PAPSS1: variants seen among roughly 807,000 people sequenced by gnomAD.
PAPSS1 encodes bifunctional 3'-phosphoadenosine 5'-phosphosulfate synthase 1.
A neutral mutation model predicts 72.0 loss-of-function variants in PAPSS1; 50 were observed. The ratio of observed to expected loss-of-function variants is 0.69; its 90% CI spans 0.55 to 0.88. PAPSS1 has a LOEUF of 0.88. PAPSS1 is among the 40% of genes least tolerant of loss of function. The pLI, the probability that PAPSS1 is intolerant of heterozygous loss-of-function variation, is 0.00. For synonymous variants in PAPSS1, 261 were observed against 263.6 expected (o/e 0.99, Z 0.09); for missense variants, 657 against 782.2 (o/e 0.84, Z 1.91).
At chr4:107,664,306 G>T (rs1409252261) in intron 5 of PAPSS1, among the ~76,000 whole-genome samples, 1 of 152,136 alleles carries the variant, frequency 6.6e-6, no homozygotes, top group African/African-American at 2.4e-5. Context: ...TCTCCCCCAG[G>T]TTTACTGCTG....
intron 1 of PAPSS1, among the ~76,000 whole-genome samples, chr4:107,712,948 T>A (rs1453669043): frequency 1.3e-5 from 2 of 150,056 alleles, no homozygotes; most frequent in Admixed American, 1.3e-4. Context: ...ATGAATGAAC[T>A]ATTAAAAAAA....
At chr4:107,676,728 T>A (rs1425044210) in intron 5 of PAPSS1, among the ~76,000 whole-genome samples, 1 of 152,110 alleles carries the variant, frequency 6.6e-6, no homozygotes, top group East Asian at 1.9e-4. Context: ...CATTGCCAAG[T>A]CAATCCTAAG....
intron 3 of PAPSS1, among the ~76,000 whole-genome samples, chr4:107,690,847 G>C (rs1168720183): frequency 6.6e-6 from 1 of 152,052 alleles, no homozygotes; most frequent in Non-Finnish European, 1.5e-5. Context: ...CACACTCTTA[G>C]ATACCCAGGT....
chr4:107,685,084 T>G (rs1722743126), intron 4 of PAPSS1, among the ~76,000 whole-genome samples: 1 of 152,174 alleles, frequency 6.6e-6, no homozygotes, highest in African/African-American at 2.4e-5. Context: ...TTTTGTATTT[T>G]TAGTAGAGAC....
In PAPSS1 at chr4:107,645,041, G is replaced by C; in HGVS notation, c.1267C>G (p.Pro423Ala). ...DAVFAFQLRN[P>A]VHNGHALLMQ... ...AACAGGGCATGTCCATTGTGCACTG[G>C]GTTGCGTAGTTGAAATGCAAAGACA... The change falls in exon 10 of 12, where the codon CCA becomes GCA. Residue 423 changes from proline (P) to alanine (A), a missense_variant. By Grantham distance (27) the Pro-to-Ala change is conservative. Coordinates refer to ENST00000265174, the MANE Select transcript of PAPSS1 (RefSeq NM_005443.5). 6.4e-7 allele frequency: 1 copy of C among 1,558,726 alleles called. No individual in the cohort carries two copies. Among genetic ancestry groups the C allele is most frequent in the African/African-American group, 1.4e-5 (1 of 73,234 alleles).
intron 10 of PAPSS1, 100 bp downstream of exon 10, chr4:107,644,702 G>C: frequency 8.9e-7 from 1 of 1,127,760 alleles, no homozygotes; most frequent in South Asian, 1.6e-5. Context: ...GTTTGGAACA[G>C]GCCTACAGAG....
At chr4:107,692,026 T>C (rs1457530303) in intron 3 of PAPSS1, among the ~76,000 whole-genome samples, 4 of 152,034 alleles carry the variant, frequency 2.6e-5, no homozygotes, top group South Asian at 4.1e-4. Flanking sequence ...CCTTACACCA[T>C]AGGCAAAAAT....
rs528998159 is a variant in PAPSS1, at chr4:107,663,347, A to G, written c.670-3275T>C. ...CAATTCTAACAGTGCAATCTTGAGC[A>G]TCTTACAACGTGTCTCCCCAGTTGT... On this transcript the variant is annotated intron_variant, in intron 5 of 11. Transcript: ENST00000265174. 1.6e-3 allele frequency among the ~76,000 whole-genome samples: 246 copies of G among 152,300 alleles called. 5 individuals carry two copies. Among genetic ancestry groups the G allele is most frequent in the Non-Finnish European group, 2.9e-4 (20 of 68,022 alleles).
At chr4:107,627,259 A>G (rs1371999294) in intron 11 of PAPSS1, among the ~76,000 whole-genome samples, 1 of 152,216 alleles carries the variant, frequency 6.6e-6, no homozygotes, top group Non-Finnish European at 1.5e-5. Context: ...ATCAAAATGG[A>G]AATTCACCTA....
intron 5 of PAPSS1, among the ~76,000 whole-genome samples, chr4:107,667,466 C>T (rs1727350228): frequency 6.6e-6 from 1 of 152,164 alleles, no homozygotes; most frequent in African/African-American, 2.4e-5. Context: ...GTAGCCTGGG[C>T]ACCCCATTTG....
intron 11 of PAPSS1, among the ~76,000 whole-genome samples, chr4:107,625,068 G>A (rs1429840041): frequency 6.6e-6 from 1 of 152,126 alleles, no homozygotes; most frequent in Admixed American, 6.6e-5. Context: ...TAGGATTTGG[G>A]GATATTATGA....
chr4:107,716,183 T>C (rs1190465204), intron 1 of PAPSS1, among the ~76,000 whole-genome samples: 2 of 152,170 alleles, frequency 1.3e-5, no homozygotes, highest in Non-Finnish European at 2.9e-5. Flanking sequence ...ACAAGATACA[T>C]AATAGCAGAG....
intron 5 of PAPSS1, among the ~76,000 whole-genome samples, chr4:107,665,083 CAG>C (rs1727281609): frequency 6.6e-6 from 1 of 152,084 alleles, no homozygotes; most frequent in Non-Finnish European, 1.5e-5. Context: ...AAAAAAGATA[CAG>C]AGAGTGAATG....
At chr4:107,677,170 C>A (rs1172133398) in intron 5 of PAPSS1, among the ~76,000 whole-genome samples, 2 of 152,050 alleles carry the variant, frequency 1.3e-5, no homozygotes, top group South Asian at 2.1e-4. Flanking sequence ...GCAACAAAAG[C>A]CAAAATTGAC....
intron 1 of PAPSS1, among the ~76,000 whole-genome samples, chr4:107,704,720 G>T (rs993548594): frequency 6.6e-6 from 1 of 152,134 alleles, no homozygotes; most frequent in African/African-American, 2.4e-5. Context: ...AGAGGCCGAG[G>T]CAGGCGGATC....
intron 1 of PAPSS1, among the ~76,000 whole-genome samples, chr4:107,719,444 T>C (rs1015413857): frequency 6.6e-6 from 1 of 152,192 alleles, no homozygotes; most frequent in African/African-American, 2.4e-5. Flanking sequence ...CAGTCATTAC[T>C]AAACGTTATA....
intron 3 of PAPSS1, among the ~76,000 whole-genome samples, chr4:107,690,681 CAT>C (rs1312563744): frequency 2.6e-5 from 4 of 152,194 alleles, no homozygotes; most frequent in African/African-American, 7.2e-5. Flanking sequence ...GAAAAATACA[CAT>C]GTCCTGTATT....
At chr4:107,673,094 A>G (rs1217081318) in intron 5 of PAPSS1, among the ~76,000 whole-genome samples, 1 of 152,182 alleles carries the variant, frequency 6.6e-6, no homozygotes, top group Non-Finnish European at 1.5e-5. Flanking sequence ...AGGTAGATAA[A>G]ACCACAAAGA....
chr4:107,632,525 T>C (rs998915825), intron 10 of PAPSS1, among the ~76,000 whole-genome samples: 25 of 148,992 alleles, frequency 1.7e-4, no homozygotes, highest in African/African-American at 5.4e-4. Flanking sequence ...AAAAAAAAGA[T>C]TGGTTGTGAG....
Sources: allele counts gnomAD v4.1 joint callset (sites outside exome capture counted in the v4.1 genomes callset), GRCh38; gene constraint gnomAD v4.1.1; transcripts MANE v1.5; gene names NCBI Gene and HGNC (gene_info 2026-07-23, HGNC 2026-07-21).